Variants in MED27 observed in about 807,000 individuals in gnomAD.
MED27 encodes the protein mediator complex subunit 27.
Under a neutral mutation model 38.2 loss-of-function variants are expected in MED27, and 30 were observed. That is an observed-to-expected ratio of 0.79 (90% CI 0.59 to 1.07). The LOEUF (loss-of-function observed/expected upper bound fraction) is 1.07. MED27 is among the 50% of genes least tolerant of loss of function. The pLI is 0.00. For synonymous variants in MED27, 122 were observed against 153.5 expected, an observed-to-expected ratio of 0.79 and a Z score of 1.52; for missense variants, 289 against 397.5, an observed-to-expected ratio of 0.73 and a Z score of 2.32.
intron 5 of MED27, among the ~76,000 whole-genome samples, chr9:131,891,371 T>C (rs1839226605): frequency 6.6e-6 from 1 of 152,246 alleles, no homozygotes; most frequent in Admixed American, 6.5e-5. Context: ...CAGAGGAGTC[T>C]GGATTTTATG....
At chr9:131,975,292 C>T (rs1249710281) in intron 3 of MED27, among the ~76,000 whole-genome samples, 1 of 152,186 alleles carries the variant, frequency 6.6e-6, no homozygotes, top group Non-Finnish European at 1.5e-5. Flanking sequence ...AAATTGCAAA[C>T]AGTCAACTCT....
At chr9:132,071,124 T>C (rs1231576335) in intron 2 of MED27, among the ~76,000 whole-genome samples, 1 of 152,204 alleles carries the variant, frequency 6.6e-6, no homozygotes, top group Non-Finnish European at 1.5e-5. Flanking sequence ...CACCTCATTT[T>C]GTCCTCATAA....
intron 3 of MED27, among the ~76,000 whole-genome samples, chr9:131,956,599 AGT>A: frequency 6.7e-6 from 1 of 149,748 alleles, no homozygotes; most frequent in Middle Eastern, 3.4e-3. Context: ...TGGGTGACAG[AGT>A]GAGACTCCGC....
chr9:132,044,337 A>G (rs1833284884), intron 2 of MED27, among the ~76,000 whole-genome samples: 1 of 152,254 alleles, frequency 6.6e-6, no homozygotes, highest in Non-Finnish European at 1.5e-5. Flanking sequence ...CACCTTGCAC[A>G]GTGTTTGCTC....
At chr9:131,963,808 T>C (rs1278611156) in intron 3 of MED27, among the ~76,000 whole-genome samples, 1 of 152,204 alleles carries the variant, frequency 6.6e-6, no homozygotes, top group Non-Finnish European at 1.5e-5. Context: ...GTTGTTAGTA[T>C]GTGCGCTGCA....
In MED27 at chr9:131,872,256, A is replaced by G. The variant is rs913078039; in HGVS notation, c.724-9116T>C. Among the ~76,000 whole-genome samples, 13 of 152,360 alleles carry G rather than the reference A, an allele frequency of 8.5e-5. No individual in the cohort carries two copies. Among genetic ancestry groups the G allele is most frequent in the African/African-American group, 2.9e-4 (12 of 41,594 alleles). On this transcript the variant is annotated intron_variant, in intron 6 of 7. Transcript: ENST00000292035. This position sits in a 1 kb window ranked among gnomAD's most constrained non-coding sequence, Gnocchi z 5.6. Reference sequence around the variant, plus strand: ...CCAGGGGACAGGACTGTGGCCGAGCAGCGCCTGGGGGAGCTGAGCTTGAAC... The same window carrying G: ...CCAGGGGACAGGACTGTGGCCGAGCGGCGCCTGGGGGAGCTGAGCTTGAAC...
rs1029394529 is a variant in MED27, at chr9:131,913,671, G to A, written c.574-19679C>T. Among the ~76,000 whole-genome samples the A allele has an allele frequency of 5.3e-5, 8 of 152,132 alleles. No homozygotes were observed. The highest frequency in any genetic ancestry group is 1.9e-4 in the African/African-American group (8 of 41,426). On this transcript the variant is annotated intron_variant, in intron 4 of 7. Coordinates refer to ENST00000292035, the MANE Select transcript of MED27 (RefSeq NM_004269.4). This position sits in a 1 kb window ranked among gnomAD's most constrained non-coding sequence, Gnocchi z 4.5. Reference sequence around the variant, plus strand: ...GTCCAGTCATGAAGTCTCTCCAGGGGTCTGTATTGTCCATGGCTAGGTGGC... The same window carrying A: ...GTCCAGTCATGAAGTCTCTCCAGGGATCTGTATTGTCCATGGCTAGGTGGC...
chr9:131,904,073 T>A (rs1312228512), intron 4 of MED27, among the ~76,000 whole-genome samples: 1 of 152,144 alleles, frequency 6.6e-6, no homozygotes, highest in Non-Finnish European at 1.5e-5. Context: ...CTAATTTTTG[T>A]ATTTTTAGTA....
intron 3 of MED27, among the ~76,000 whole-genome samples, chr9:131,962,486 AC>A (rs1831237553): frequency 6.6e-6 from 1 of 151,154 alleles, no homozygotes; most frequent in African/African-American, 2.4e-5. Context: ...TGATCCACCC[AC>A]CTCAGCCTCC....
chr9:131,897,724 T>C (rs1289882182), intron 4 of MED27, among the ~76,000 whole-genome samples: 1 of 152,226 alleles, frequency 6.6e-6, no homozygotes, highest in Non-Finnish European at 1.5e-5. Flanking sequence ...CTTTGTACTA[T>C]TTCATTTACT....
At position 131,961,595 on chromosome 9, in the gene MED27, T is replaced by C. The variant is rs924034334; in HGVS notation, c.480-22121A>G. Among the ~76,000 whole-genome samples the C allele has an allele frequency of 7.9e-5, 12 of 152,212 alleles. 1 individual carries two copies. The highest frequency in any genetic ancestry group is 2.9e-4 in the African/African-American group (12 of 41,452). ...ATAGTGTTTTTCCAGATTTCCACTG[T>C]AAATAATGGCTGACCATTGGCCTCT... On this transcript the variant is annotated intron_variant, in intron 3 of 7. Coordinates refer to ENST00000292035, the MANE Select transcript of MED27 (RefSeq NM_004269.4).
intron 3 of MED27, among the ~76,000 whole-genome samples, chr9:131,943,122 T>C (rs4128956): frequency 0.69 from 105,151 of 152,036 alleles, 37,048 homozygotes; most frequent in African/African-American, 0.82. Context: ...ACATGCCTAA[T>C]ACAAAGGAGA....
intron 1 of MED27, among the ~76,000 whole-genome samples, chr9:132,078,436 G>C (rs1834103562): frequency 6.6e-6 from 1 of 152,114 alleles, no homozygotes; most frequent in Admixed American, 6.5e-5. Flanking sequence ...AGAGAAAATG[G>C]AAAGAAAACA....
intron 6 of MED27, among the ~76,000 whole-genome samples, chr9:131,879,046 A>C (rs1377136516): frequency 6.6e-6 from 1 of 152,172 alleles, no homozygotes; most frequent in Non-Finnish European, 1.5e-5. Flanking sequence ...AAGAGTGAAA[A>C]GGGCTTGCTG....
intron 3 of MED27, among the ~76,000 whole-genome samples, chr9:131,962,050 T>C (rs532486293): frequency 1.4e-4 from 22 of 152,332 alleles, no homozygotes; most frequent in African/African-American, 5.1e-4. Flanking sequence ...TAAAGACTTC[T>C]ATCTAGTGGT....
intron 6 of MED27, among the ~76,000 whole-genome samples, chr9:131,865,385 C>T (rs1023243557): frequency 6.6e-6 from 1 of 152,114 alleles, no homozygotes; most frequent in Non-Finnish European, 1.5e-5. Context: ...AAACTGGGCT[C>T]GAACGGTCCC....
intron 3 of MED27, among the ~76,000 whole-genome samples, chr9:131,999,466 T>TG (rs1040878413): frequency 6.6e-5 from 10 of 152,084 alleles, no homozygotes; most frequent in Admixed American, 6.5e-4. Context: ...AACAGGACAA[T>TG]GGGGGTCACC....
At chr9:132,021,937 A>G (rs1311791780) in intron 2 of MED27, among the ~76,000 whole-genome samples, 1 of 152,212 alleles carries the variant, frequency 6.6e-6, no homozygotes, top group African/African-American at 2.4e-5. Flanking sequence ...TTGACCTTGG[A>G]CTTTCCAGCC....
intron 3 of MED27, among the ~76,000 whole-genome samples, chr9:131,994,161 G>A (rs1221484244): frequency 6.6e-6 from 1 of 152,158 alleles, no homozygotes. Flanking sequence ...CTTAACTCTT[G>A]TTATTTCAAT....
Sources: allele counts gnomAD v4.1 joint callset (sites outside exome capture counted in the v4.1 genomes callset), GRCh38; gene constraint gnomAD v4.1.1; non-coding constraint Gnocchi (gnomAD v3.1); transcripts MANE v1.5; gene names NCBI Gene and HGNC (gene_info 2026-07-23, HGNC 2026-07-21).